The following ST6GALNAC5 variants were observed in gnomAD, a reference collection of about 807,000 sequenced individuals.
The protein encoded by ST6GALNAC5 is ST6 N-acetylgalactosaminide alpha-2,6-sialyltransferase 5.
In ST6GALNAC5, 27 loss-of-function variants were observed where a neutral mutation model predicts 33.6. The observed-to-expected ratio is 0.80, with a 90% CI of 0.59 to 1.11. The LOEUF (loss-of-function observed/expected upper bound fraction) is 1.11, where lower values mean the gene tolerates loss of function less well. Among genes scored for constraint, ST6GALNAC5 ranks in the 50% least tolerant of loss-of-function variants. The probability of loss-of-function intolerance (pLI) is 0.00; values close to 1 mark genes in which losing one functional copy is unlikely to be tolerated. For synonymous variants in ST6GALNAC5, 194 were observed against 171.2 expected (o/e 1.13, Z -1.04); for missense variants, 428 against 454.0 (o/e 0.94, Z 0.52).
intron 2 of ST6GALNAC5, among the ~76,000 whole-genome samples, chr1:76,934,548 C>T (rs776770585): frequency 2.0e-5 from 3 of 151,934 alleles, no homozygotes; most frequent in Non-Finnish European, 4.4e-5. Context: ...ATATTGTCTG[C>T]GATAAAATCC....
At chr1:76,902,037 C>A (rs1255792340) in intron 2 of ST6GALNAC5, among the ~76,000 whole-genome samples, 2 of 151,820 alleles carry the variant, frequency 1.3e-5, no homozygotes, top group Non-Finnish European at 2.9e-5. Flanking sequence ...TAAAATGATA[C>A]ATTGAGATCA....
In ST6GALNAC5 at chr1:76,867,552, C is replaced by G; in HGVS notation, c.-124C>G. ...CCCGCGGCTCCCGCGCGCGATCTGC[C>G]GCGGCCGGCTGCTGGGCAAAAATCA... On this transcript the variant is annotated 5_prime_UTR_variant, in exon 1 of 5. Coordinates refer to ENST00000477717, the MANE Select transcript of ST6GALNAC5 (RefSeq NM_030965.3). The G allele has an allele frequency of 2.6e-6, 4 of 1,526,162 alleles. No homozygotes were observed. The highest frequency in any genetic ancestry group is 3.6e-6 in the Non-Finnish European group (4 of 1,102,440). 94.5% of individuals were successfully genotyped at this position (1,526,162 alleles called of 1,614,324 possible).
intron 2 of ST6GALNAC5, among the ~76,000 whole-genome samples, chr1:76,989,242 A>T (rs1437099770): frequency 6.6e-6 from 1 of 151,084 alleles, no homozygotes; most frequent in South Asian, 2.1e-4. Flanking sequence ...ATACTATCTG[A>T]TTCTTTTGCC....
rs1177323590 is a variant in ST6GALNAC5, at chr1:77,066,125, C to T, written c.*2919C>T. Among the ~76,000 whole-genome samples, 1 of 152,074 alleles carries T rather than the reference C, an allele frequency of 6.6e-6. No individual in the cohort carries two copies. The highest frequency in any genetic ancestry group is 2.1e-4 in the South Asian group (1 of 4,828). On this transcript the variant is annotated 3_prime_UTR_variant, in exon 5 of 5. Transcript: ENST00000477717. ...GACTTAGCTGTGTGATTTCCATTACCGTTAATGGGCATTTGGCAACTAAGT... is the reference window on the plus strand; with the variant it reads ...GACTTAGCTGTGTGATTTCCATTACTGTTAATGGGCATTTGGCAACTAAGT...
rs958379466 is a variant in ST6GALNAC5, at chr1:77,066,056, A to C, written c.*2850A>C. On this transcript the variant is annotated 3_prime_UTR_variant, in exon 5 of 5. Coordinates refer to ENST00000477717, the MANE Select transcript of ST6GALNAC5 (RefSeq NM_030965.3). ...TAAATATTCACCCAAGAAAGCATAC[A>C]TTAAAAGAACATTAGGAGGTAAATA... 5.3e-5 allele frequency among the ~76,000 whole-genome samples: 8 copies of C among 152,338 alleles called. No individual in the cohort carries two copies. In the East Asian group the frequency reaches 1.5e-3, roughly 29 times the overall value.
At chr1:77,053,991 G>A (rs1160532406) in intron 4 of ST6GALNAC5, among the ~76,000 whole-genome samples, 1 of 152,058 alleles carries the variant, frequency 6.6e-6, no homozygotes, top group African/African-American at 2.4e-5. Flanking sequence ...CTTCAGTTTG[G>A]GCAAATTAAC....
At chr1:77,035,261 T>C (rs1420840331) in intron 2 of ST6GALNAC5, among the ~76,000 whole-genome samples, 1 of 152,196 alleles carries the variant, frequency 6.6e-6, no homozygotes, top group East Asian at 1.9e-4. Context: ...TCTATGAAGC[T>C]CATTTTAATG....
At chr1:76,999,548 G>C (rs1174711280) in intron 2 of ST6GALNAC5, among the ~76,000 whole-genome samples, 1 of 150,826 alleles carries the variant, frequency 6.6e-6, no homozygotes, top group Non-Finnish European at 1.5e-5. Flanking sequence ...GTGCAGGTTA[G>C]TTACATATGT....
chr1:76,898,144 A>T (rs1171619802), intron 2 of ST6GALNAC5, among the ~76,000 whole-genome samples: 5 of 152,176 alleles, frequency 3.3e-5, no homozygotes, highest in African/African-American at 1.2e-4. Flanking sequence ...TCTGATTTTC[A>T]GTGGGGTCTC....
intron 4 of ST6GALNAC5, among the ~76,000 whole-genome samples, chr1:77,062,203 A>T (rs981781790): frequency 2.0e-5 from 3 of 152,202 alleles, no homozygotes; most frequent in African/African-American, 4.8e-5. Flanking sequence ...CAGGAATAAG[A>T]CAAAACACTG....
intron 2 of ST6GALNAC5, among the ~76,000 whole-genome samples, chr1:76,957,668 C>T (rs1284982502): frequency 8.1e-6 from 1 of 123,406 alleles, no homozygotes; most frequent in Non-Finnish European, 1.6e-5. Context: ...CTAGACATGA[C>T]ACTACACCCC....
chr1:76,895,770 C>T (rs145166941), intron 2 of ST6GALNAC5, among the ~76,000 whole-genome samples: 13,428 of 151,936 alleles, frequency 0.088, 786 homozygotes, highest in South Asian at 0.22. Flanking sequence ...TATGACTAGA[C>T]AGAAGATAGT....
At chr1:76,876,013 G>T (rs1016348002) in intron 2 of ST6GALNAC5, among the ~76,000 whole-genome samples, 1 of 152,204 alleles carries the variant, frequency 6.6e-6, no homozygotes, top group East Asian at 1.9e-4. Context: ...AGAGGCAATT[G>T]TGTGTGGAAT....
At chr1:76,902,801 C>T (rs1206555127) in intron 2 of ST6GALNAC5, among the ~76,000 whole-genome samples, 1 of 152,048 alleles carries the variant, frequency 6.6e-6, no homozygotes, top group Non-Finnish European at 1.5e-5. Flanking sequence ...ATTTTTTAAA[C>T]AAATGGTGCT....
intron 1 of ST6GALNAC5, among the ~76,000 whole-genome samples, 197 bp downstream of exon 1, chr1:76,867,887 T>C (rs1377710101): frequency 6.6e-6 from 1 of 151,882 alleles, no homozygotes; most frequent in East Asian, 2.0e-4. Flanking sequence ...AGAGCCAGGA[T>C]GGGAACTCGG....
rs138365287 is a variant in ST6GALNAC5 at position 76,979,798 on chromosome 1, G to A, written c.262-64406G>A. On this transcript the variant is annotated intron_variant, in intron 2 of 4. Coordinates refer to ENST00000477717, the MANE Select transcript of ST6GALNAC5 (RefSeq NM_030965.3). ...AAAAATTATCTGGGTGTGGTGGCAGGTGCCTGTAATCCCAGCTACTTGGGA... is the reference window on the plus strand; with the variant it reads ...AAAAATTATCTGGGTGTGGTGGCAGATGCCTGTAATCCCAGCTACTTGGGA... 1.7e-3 allele frequency among the ~76,000 whole-genome samples: 255 copies of A among 152,242 alleles called. 1 individual carries two copies. Among genetic ancestry groups the A allele is most frequent in the African/African-American group, 5.7e-3 (236 of 41,558 alleles).
In ST6GALNAC5 at chr1:76,976,021, G is replaced by A. The variant is rs369849050; in HGVS notation, c.262-68183G>A. Among the ~76,000 whole-genome samples the A allele has an allele frequency of 5.9e-5, 9 of 152,264 alleles. No homozygotes were observed. In the East Asian group the frequency reaches 1.2e-3, roughly 20 times the overall value. ...GAGGCACAAGAATAGCTTGAAACCCGGAGGTGGAGACTGCAGTGAGTTGAG... is the reference window on the plus strand; with the variant it reads ...GAGGCACAAGAATAGCTTGAAACCCAGAGGTGGAGACTGCAGTGAGTTGAG... On this transcript the variant is annotated intron_variant, in intron 2 of 4. Coordinates refer to ENST00000477717, the MANE Select transcript of ST6GALNAC5 (RefSeq NM_030965.3).
At chr1:76,997,964 G>A (rs1356568496) in intron 2 of ST6GALNAC5, among the ~76,000 whole-genome samples, 1 of 152,150 alleles carries the variant, frequency 6.6e-6, no homozygotes, top group African/African-American at 2.4e-5. Context: ...TCATGATAGT[G>A]ACTTCTCATG....
At chr1:76,903,598 C>G (rs1282123804) in intron 2 of ST6GALNAC5, among the ~76,000 whole-genome samples, 2 of 152,084 alleles carry the variant, frequency 1.3e-5, no homozygotes, top group Admixed American at 1.3e-4. Context: ...TTATTCATAA[C>G]AGCATTATTC....
Sources: gnomAD v4.1 joint callset for allele counts (sites outside exome capture counted in the v4.1 genomes callset) on GRCh38, gnomAD v4.1.1 for gene constraint, MANE v1.5 for transcripts, NCBI Gene and HGNC (gene_info 2026-07-23, HGNC 2026-07-21) for gene names.